Variants in INSIG2 observed in about 807,000 individuals in gnomAD.
The protein encoded by INSIG2 is insulin-induced gene 2 protein.
Under a neutral mutation model 27.2 loss-of-function variants are expected in INSIG2, and 10 were observed. That is an observed-to-expected ratio of 0.37 (90% CI 0.23 to 0.62). The LOEUF is 0.62. INSIG2 is among the 20% of genes least tolerant of loss of function. The pLI is 0.65. For synonymous variants in INSIG2, 97 were observed against 95.8 expected, an observed-to-expected ratio of 1.01 and a Z score of -0.07; for missense variants, 178 against 270.2, an observed-to-expected ratio of 0.66 and a Z score of 2.39.
rs1309933302 is a variant in INSIG2 at position 118,096,808 on chromosome 2, T to C, written c.244+8T>C. ...GCTGTGGCACGGCTTCAGGTATGTG[T>C]AGGATGTTTCTGTAATGCTTAGAAA... On this transcript the variant is annotated splice_region_variant and intron_variant, in intron 2 of 5. Transcript: ENST00000245787. 1 of 1,610,662 alleles carries C rather than the reference T, an allele frequency of 6.2e-7. No homozygotes were observed. The highest frequency in any genetic ancestry group is 1.3e-5 in the African/African-American group (1 of 74,826).
chr2:118,094,269 A>ATGATGAT (rs1558833046), intron 1 of INSIG2, among the ~76,000 whole-genome samples: 24 of 49,974 alleles, frequency 4.8e-4, no homozygotes, highest in African/African-American at 1.3e-3. Flanking sequence ...ATGATGATGA[A>ATGATGAT]GGAGAGTTCT....
At chr2:118,102,570 C>T (rs1678572956) in intron 2 of INSIG2, 2 of 152,194 alleles carry the variant, frequency 1.3e-5, no homozygotes, top group East Asian at 3.8e-4. Flanking sequence ...CCTGCTTTGA[C>T]AATATGACCT....
At chr2:118,103,502 A>G (rs1678601606) in intron 3 of INSIG2, among the ~76,000 whole-genome samples, 181 bp downstream of exon 3, 2 of 152,198 alleles carry the variant, frequency 1.3e-5, no homozygotes, top group African/African-American at 4.8e-5. Flanking sequence ...AAAGTGGGGT[A>G]TAGCCTTTCA....
rs1383511083 is a variant in INSIG2 at position 118,096,574 on chromosome 2, A to G, written c.18A>G (p.Thr6=). 2 of 1,613,630 alleles carry G rather than the reference A, an allele frequency of 1.2e-6. No individual in the cohort carries two copies. The highest frequency in any genetic ancestry group is 1.7e-5 in the Admixed American group (1 of 59,996). MAEGE[T]ESPGPKKCGP... ...ATGAAACCATGGCAGAAGGAGAGAC[A>G]GAGTCACCTGGGCCCAAAAAGTGTG... Residue 6 remains threonine (T), a synonymous_variant, in exon 2 of 6, where the codon ACA becomes ACG. Coordinates refer to ENST00000245787, the MANE Select transcript of INSIG2 (RefSeq NM_016133.4).
At position 118,103,217 on chromosome 2, in the gene INSIG2, C is replaced by T. The variant is rs1678592825; in HGVS notation, c.265C>T (p.Pro89Ser). Residue 89 changes from proline to serine, a missense_variant, in exon 3 of 6, where the codon CCC becomes TCC. Transcript: ENST00000245787. ...TACAGCTGTGATTGGGTTATTATAC[C>T]CCTGCATTGACAGACATCTAGGAGA... ...TASAVIGLLY[P>S]CIDRHLGEPH... 1.9e-6 allele frequency: 3 copies of T among 1,612,866 alleles called. No homozygotes were observed. Among genetic ancestry groups the T allele is most frequent in the African/African-American group, 1.3e-5 (1 of 74,746 alleles).
chr2:118,105,670 G>A (rs1049424823), intron 3 of INSIG2, among the ~76,000 whole-genome samples: 2 of 152,160 alleles, frequency 1.3e-5, no homozygotes, highest in African/African-American at 4.8e-5. Context: ...AAGCAAGCTG[G>A]GTGTTTAGGA....
rs1007075058 is a variant in INSIG2 at position 118,108,441 on chromosome 2, C to T, written c.*119C>T. ...AGGATGCAGTTTTCCCCTTGATTGG[C>T]GTGTGTGTATATATGGATAAATATA... is the stretch of plus-strand genomic sequence containing the variant. On this transcript the variant is annotated 3_prime_UTR_variant, in exon 6 of 6. Coordinates refer to ENST00000245787, the MANE Select transcript of INSIG2 (RefSeq NM_016133.4). 1.0e-5 allele frequency: 7 copies of T among 693,710 alleles called. No individual in the cohort carries two copies. Among genetic ancestry groups the T allele is most frequent in the African/African-American group, 3.7e-5 (2 of 54,088 alleles). The allele number at this position is 693,710 out of a possible 1,614,324, so 43.0% of individuals were successfully genotyped here.
At chr2:118,091,352 G>A (rs936771800) in intron 1 of INSIG2, among the ~76,000 whole-genome samples, 1 of 152,104 alleles carries the variant, frequency 6.6e-6, no homozygotes. Flanking sequence ...CACTATACAC[G>A]TTTGTGGTAA....
intron 3 of INSIG2, among the ~76,000 whole-genome samples, chr2:118,105,751 A>G (rs771455055): frequency 6.6e-6 from 1 of 152,050 alleles, no homozygotes; most frequent in Non-Finnish European, 1.5e-5. Flanking sequence ...CTTCGTTGCA[A>G]TTTCTTTTTT....
chr2:118,108,149 C>T (rs1255158152), intron 5 of INSIG2, 132 bp from the exon 6 acceptor site: 1 of 588,092 alleles, frequency 1.7e-6, no homozygotes, highest in Admixed American at 3.9e-5. Flanking sequence ...TTATGTAACT[C>T]TTGGATTATT....
intron 2 of INSIG2, among the ~76,000 whole-genome samples, chr2:118,102,248 T>C (rs1178348347): frequency 6.6e-6 from 1 of 152,256 alleles, no homozygotes; most frequent in East Asian, 1.9e-4. Flanking sequence ...CATTAAATAG[T>C]CTTTTTAATA....
intron 2 of INSIG2, 44 bp from the exon 3 acceptor site, chr2:118,103,153 T>C (rs1573575714): frequency 3.8e-6 from 6 of 1,583,758 alleles, no homozygotes; most frequent in Non-Finnish European, 5.2e-6. Flanking sequence ...GTGTTGCCAG[T>C]ACAACATTGG....
chr2:118,101,030 G>A (rs985136000), intron 2 of INSIG2, among the ~76,000 whole-genome samples: 1 of 152,064 alleles, frequency 6.6e-6, no homozygotes, highest in African/African-American at 2.4e-5. Flanking sequence ...TTATAAGCAG[G>A]ATTGTGTTTG....
At position 118,110,437 on chromosome 2, in the gene INSIG2, TGAG is replaced by T. The variant is rs66499082; in HGVS notation, c.*2132_*2134del. Reference sequence around the variant, plus strand: ...GCTATCTTCATGCTGAGTAGTAGGCTGAGGAGGAGGAGGAGGAGGGGTTGGTCT... The same window carrying T: ...GCTATCTTCATGCTGAGTAGTAGGCTGAGGAGGAGGAGGAGGGGTTGGTCT... On this transcript the variant is annotated 3_prime_UTR_variant, in exon 6 of 6. Transcript: ENST00000245787. 115,396 of 151,286 alleles carry T rather than the reference TGAG, an allele frequency of 0.76. 44,278 individuals carry two copies. Among genetic ancestry groups the T allele is most frequent in the Non-Finnish European group, 0.81 (55,106 of 67,806 alleles). 9.4% of individuals were successfully genotyped at this position (151,286 alleles called of 1,614,324 possible).
intron 2 of INSIG2, among the ~76,000 whole-genome samples, chr2:118,100,138 A>G (rs1421175652): frequency 6.6e-6 from 1 of 151,970 alleles, no homozygotes; most frequent in African/African-American, 2.4e-5. Flanking sequence ...GAATGTCCTC[A>G]GCCACCTCCC....
intron 3 of INSIG2, 110 bp downstream of exon 3, chr2:118,103,431 TAGTC>T (rs1400296313): frequency 1.8e-5 from 16 of 873,772 alleles, no homozygotes; most frequent in African/African-American, 9.9e-5. Context: ...TATGCCCACT[TAGTC>T]AGAAGAAGAA....
chr2:118,096,763 T>C lies in INSIG2; in HGVS notation c.207T>C (p.Ser69=). 1 of 1,613,904 alleles carries C rather than the reference T, an allele frequency of 6.2e-7. No individual in the cohort carries two copies. Among genetic ancestry groups the C allele is most frequent in the Non-Finnish European group, 8.5e-7 (1 of 1,180,000 alleles). The part of the protein sequence containing the change: ...PPDVIASIFS[S]AWWVPPCCGT... ...ATGTGATTGCAAGCATCTTTTCTTC[T>C]GCATGGTGGGTACCCCCATGCTGTG... The change falls in exon 2 of 6, where the codon TCT becomes TCC. Residue 69 remains serine (S), a synonymous_variant. Transcript: ENST00000245787.
At chr2:118,100,799 G>A (rs1317978127) in intron 2 of INSIG2, among the ~76,000 whole-genome samples, 1 of 152,132 alleles carries the variant, frequency 6.6e-6, no homozygotes, top group East Asian at 1.9e-4. Flanking sequence ...GAGTGTTTTC[G>A]TTTATTCAGT....
In INSIG2 at chr2:118,109,963, GAT is replaced by G. The variant is rs1320786293; in HGVS notation, c.*1642_*1643del. ...ATCTTTAATAAGTTATAAGGTCTAT[GAT>G]GTGTTTACTTTAAAAATTGCTGTTA... On this transcript the variant is annotated 3_prime_UTR_variant, in exon 6 of 6. Transcript: ENST00000245787. 2.0e-5 allele frequency: 3 copies of G among 152,438 alleles called. No individual in the cohort carries two copies. The highest frequency in any genetic ancestry group is 7.3e-5 in the African/African-American group (3 of 41,360). 9.4% of individuals were successfully genotyped at this position (152,438 alleles called of 1,614,324 possible).
Sources: allele counts gnomAD v4.1 joint callset (sites outside exome capture counted in the v4.1 genomes callset), GRCh38; gene constraint gnomAD v4.1.1; transcripts MANE v1.5; gene names NCBI Gene and HGNC (gene_info 2026-07-23, HGNC 2026-07-21).